Variants in IGF2R observed in about 807,000 individuals in gnomAD.
IGF2R encodes the protein cation-independent mannose-6-phosphate receptor.
Under a neutral mutation model 270.6 loss-of-function variants are expected in IGF2R, and 91 were observed. The ratio of observed to expected loss-of-function variants is 0.34; its 90% confidence interval spans 0.28 to 0.40. The LOEUF (loss-of-function observed/expected upper bound fraction) is 0.40. Among genes scored for constraint, IGF2R ranks in the 10% least tolerant of loss-of-function variants. IGF2R has a pLI of 1.00. For synonymous variants in IGF2R, 1,316 were observed against 1,258.9 expected, an observed-to-expected ratio of 1.05 and a Z score of -0.96; for missense variants, 2,805 against 3,188.3, an observed-to-expected ratio of 0.88 and a Z score of 2.90.
chr6:159,977,975 G>C (rs934297741), intron 1 of IGF2R, among the ~76,000 whole-genome samples: 27 of 152,272 alleles, frequency 1.8e-4, no homozygotes, highest in African/African-American at 6.5e-4. Flanking sequence ...TGCCTGGCAC[G>C]TCCTCGGTGT....
intron 32 of IGF2R, among the ~76,000 whole-genome samples, chr6:160,072,502 T>A (rs559398713): frequency 7.9e-5 from 12 of 152,256 alleles, no homozygotes; most frequent in African/African-American, 2.9e-4. Context: ...CCCACCAGAC[T>A]CTTAGTGGCT....
chr6:160,073,762 A>G lies in IGF2R; in HGVS notation c.4953A>G (p.Glu1651=), dbSNP rs748636891. 7 of 1,613,824 alleles carry G rather than the reference A, an allele frequency of 4.3e-6. No individual in the cohort carries two copies. Among genetic ancestry groups the G allele is most frequent in the East Asian group, 2.2e-5 (1 of 44,882 alleles). Residue 1651 remains glutamate (E), a synonymous_variant, in exon 35 of 48, where the codon GAA becomes GAG. Transcript: ENST00000356956. The part of the protein sequence containing the change: ...HTPLACEQAT[E]CSVRNGSSIV... Reference sequence around the variant, plus strand: ...CAGTCTTTCCTACTTAACAGACCGAATGTTCCGTGAGGAATGGAAGCTCTA... The same window carrying G: ...CAGTCTTTCCTACTTAACAGACCGAGTGTTCCGTGAGGAATGGAAGCTCTA...
chr6:160,034,988 A>G (rs399919), intron 10 of IGF2R, among the ~76,000 whole-genome samples: 99,141 of 152,050 alleles, frequency 0.65, 32,472 homozygotes, highest in East Asian at 0.83. Flanking sequence ...CACTGGGTGC[A>G]TTGAAGCTGA....
Position 159,988,786 on chromosome 6 carries a change from C to T in IGF2R, c.150-2398C>T, listed in dbSNP as rs75653572. 2.1e-3 allele frequency among the ~76,000 whole-genome samples: 320 copies of T among 152,162 alleles called. 4 individuals are homozygous for T. The highest frequency in any genetic ancestry group is 7.3e-3 in the African/African-American group (301 of 41,484). ...TTTGTTTACTTGTTTATCTTGTATC[C>T]TGCAACCTGGAATATACACTCCGAG... On this transcript the variant is annotated intron_variant, in intron 1 of 47. Transcript: ENST00000356956.
chr6:160,050,699 A>T lies in IGF2R; in HGVS notation c.2694+47A>T. On this transcript the variant is annotated intron_variant, in intron 19 of 47. Transcript: ENST00000356956. The surrounding 1 kb of genome is among the most constrained non-coding windows in gnomAD (Gnocchi z 4.0). Reference sequence around the variant, plus strand: ...GTGACCTTCACTGCTGCATTTTTTGACTGAGCGTTGCCTTATGTGTCTCTT... The same window carrying T: ...GTGACCTTCACTGCTGCATTTTTTGTCTGAGCGTTGCCTTATGTGTCTCTT... 6.6e-7 allele frequency: 1 copy of T among 1,523,576 alleles called. No homozygotes were observed. The highest frequency in any genetic ancestry group is 1.2e-5 in the South Asian group (1 of 81,704). The allele number at this position is 1,523,576 out of a possible 1,614,324, so 94.4% of individuals were successfully genotyped here.
chr6:160,002,801 A>G (rs1562338599), intron 2 of IGF2R, among the ~76,000 whole-genome samples: 1 of 152,234 alleles, frequency 6.6e-6, no homozygotes, highest in Non-Finnish European at 1.5e-5. Flanking sequence ...GTAAGTCTGA[A>G]TTAATTGCTG....
At chr6:160,072,063 C>G in intron 32 of IGF2R, 27 bp downstream of exon 32, 2 of 1,613,644 alleles carry the variant, frequency 1.2e-6, no homozygotes, top group Non-Finnish European at 1.7e-6. Flanking sequence ...GTCGTTAACC[C>G]CAGCGCAGGT....
intron 23 of IGF2R, among the ~76,000 whole-genome samples, chr6:160,061,000 A>C (rs748818370): frequency 6.6e-6 from 1 of 152,196 alleles, no homozygotes; most frequent in Non-Finnish European, 1.5e-5. Flanking sequence ...GAGGAAACAC[A>C]TTTCACATGT....
chr6:160,039,713 G>A (rs1158440564), intron 10 of IGF2R, among the ~76,000 whole-genome samples: 1 of 152,198 alleles, frequency 6.6e-6, no homozygotes, highest in African/African-American at 2.4e-5. Context: ...TCAGGGGTGG[G>A]AAAAGGAGTG....
intron 34 of IGF2R, 95 bp from the exon 35 acceptor site, chr6:160,073,659 TTTG>T: frequency 8.4e-7 from 1 of 1,184,746 alleles, no homozygotes; most frequent in Non-Finnish European, 1.2e-6. Context: ...TTCTACTTTT[TTTG>T]TTGTTGTTAT....
chr6:159,995,405 A>G (rs112370687), intron 2 of IGF2R, among the ~76,000 whole-genome samples: 1 of 151,698 alleles, frequency 6.6e-6, no homozygotes, highest in African/African-American at 2.4e-5. Flanking sequence ...TATATCTTTT[A>G]TGTAAAGGAT....
At chr6:160,080,333 C>G in intron 39 of IGF2R, 58 bp downstream of exon 39, 1 of 1,534,524 alleles carries the variant, frequency 6.5e-7, no homozygotes, top group Non-Finnish European at 8.9e-7. Context: ...TGTCAAGGCT[C>G]GATTCACACT....
chr6:159,974,986 C>T (rs752220414), intron 1 of IGF2R, among the ~76,000 whole-genome samples: 2 of 152,208 alleles, frequency 1.3e-5, no homozygotes, highest in Non-Finnish European at 2.9e-5. Flanking sequence ...GTCATCAACA[C>T]AGAAGACCTC....
At chr6:160,008,226 T>A (rs1213260870) in intron 2 of IGF2R, among the ~76,000 whole-genome samples, 1 of 152,200 alleles carries the variant, frequency 6.6e-6, no homozygotes, top group East Asian at 1.9e-4. Flanking sequence ...TGGGTAGGGA[T>A]CCAATTTTGT....
intron 30 of IGF2R, 136 bp from the exon 31 acceptor site, chr6:160,069,732 A>G (rs903606117): frequency 1.4e-6 from 1 of 722,218 alleles, no homozygotes; most frequent in Non-Finnish European, 2.3e-6. Flanking sequence ...ATGTGAAAGA[A>G]ATAGCAGGTA....
At position 160,080,166 on chromosome 6, in the gene IGF2R, A is replaced by G. The variant is rs8191908; in HGVS notation, c.5724A>G (p.Ile1908Met). The G allele has an allele frequency of 6.8e-4, 1,095 of 1,614,030 alleles. 11 individuals are homozygous for G. The African/African-American group carries it at 0.013, about 20-fold the overall frequency. The change falls in exon 39 of 48, where the codon ATA (isoleucine) becomes ATG (methionine). Residue 1908 changes from isoleucine to methionine, a missense_variant. This residue lies in a region of IGF2R where 1,851 missense variants were observed against 2,207.2 expected (regional missense o/e 0.84). Transcript: ENST00000356956. ...DDGVPCVFPF[I>M]FNGKSYEECI... ...GCGTCCCCTGTGTCTTCCCCTTCAT[A>G]TTCAATGGGAAGAGCTACGAGGAGT...
In IGF2R at chr6:160,024,986, A is replaced by G. The variant is rs559616523; in HGVS notation, c.646+282A>G. On this transcript the variant is annotated intron_variant, in intron 5 of 47. Transcript: ENST00000356956. ...GACACCTTGGGTTTCGGGATTCTAC[A>G]GAAGTGAGGGTCGGTCTTGTTCTCT... Among the ~76,000 whole-genome samples the G allele has an allele frequency of 2.0e-5, 3 of 152,184 alleles. No individual in the cohort carries two copies. The South Asian group carries it at 6.2e-4, about 32-fold the overall frequency.
chr6:160,087,116 C>T (rs537433212), intron 41 of IGF2R, among the ~76,000 whole-genome samples: 36 of 152,258 alleles, frequency 2.4e-4, no homozygotes, highest in South Asian at 6.2e-4. Context: ...CCTGCGGGTT[C>T]GAGGGCTCAG....
chr6:160,073,578 A>C lies in IGF2R; in HGVS notation c.4947+109A>C, dbSNP rs575567441. ...TAGTAGATGCCCAGCTGAACTGTCC[A>C]CTCCTGATCACCCCAATAATAAAGT... On this transcript the variant is annotated intron_variant, in intron 34 of 47. Coordinates refer to ENST00000356956, the MANE Select transcript of IGF2R (RefSeq NM_000876.4). The C allele has an allele frequency of 2.7e-4, 350 of 1,283,226 alleles. 2 individuals carry two copies. The highest frequency in any genetic ancestry group is 9.1e-5 in the Non-Finnish European group (84 of 924,626). 79.5% of individuals were successfully genotyped at this position (1,283,226 alleles called of 1,614,324 possible).
Sources: gnomAD v4.1 joint callset for allele counts (sites outside exome capture counted in the v4.1 genomes callset) on GRCh38, gnomAD v4.1.1 for gene constraint, gnomAD v4.1.1 regional missense constraint, Gnocchi (gnomAD v3.1) non-coding constraint, MANE v1.5 for transcripts, NCBI Gene and HGNC (gene_info 2026-07-23, HGNC 2026-07-21) for gene names.